The following MSTO1 variants were observed in gnomAD, a reference collection of about 807,000 sequenced individuals.
MSTO1 encodes the protein protein misato homolog 1.
MSTO1 carries 24 observed loss-of-function variants against 55.7 expected under a neutral mutation model. That is an observed-to-expected ratio of 0.43 (90% CI 0.31 to 0.61). The LOEUF is 0.61. Ranked by LOEUF, MSTO1 falls within the 20% of genes least tolerant of loss-of-function variation. MSTO1 has a pLI of 0.09. For synonymous variants in MSTO1, 162 were observed against 252.8 expected (o/e 0.64, Z 3.41); for missense variants, 363 against 625.7 (o/e 0.58, Z 4.48).
the MSTO1 span, among the ~76,000 whole-genome samples, chr1:155,600,508 A>C: frequency 6.6e-6 from 1 of 152,028 alleles, no homozygotes; most frequent in Non-Finnish European, 1.5e-5. Context: ...TCCCCACAGC[A>C]TATGTCCCTT....
the MSTO1 span, among the ~76,000 whole-genome samples, chr1:155,570,472 C>G: frequency 6.6e-6 from 1 of 152,182 alleles, no homozygotes; most frequent in Non-Finnish European, 1.5e-5. Context: ...GATTCAGGAT[C>G]ACCCTAAGAT....
At chr1:155,597,285 A>G in the MSTO1 span, among the ~76,000 whole-genome samples, 2 of 151,918 alleles carry the variant, frequency 1.3e-5, no homozygotes, top group Non-Finnish European at 2.9e-5. Flanking sequence ...CCTGGTCAAC[A>G]TGGTAAAACC....
At chr1:155,563,258 C>T in the MSTO1 span, 4 of 456,484 alleles carry the variant, frequency 8.8e-6, no homozygotes, top group South Asian at 1.5e-5. Flanking sequence ...AGTAGCAGGA[C>T]CGCTGCTGTG....
the MSTO1 span, among the ~76,000 whole-genome samples, chr1:155,575,310 G>A: frequency 6.6e-6 from 1 of 152,090 alleles, no homozygotes; most frequent in African/African-American, 2.4e-5. Context: ...CCTAGTGGGT[G>A]TGAAGTGGTA....
the MSTO1 span, among the ~76,000 whole-genome samples, chr1:155,587,865 C>CTAGTTGAAT: frequency 6.6e-6 from 1 of 151,512 alleles, no homozygotes; most frequent in Non-Finnish European, 1.5e-5. Context: ...CTTTATTTCT[C>CTAGTTGAAT]TAGTTGAATT....
chr1:155,568,079 A>ATTTTTT, the MSTO1 span, among the ~76,000 whole-genome samples: 7 of 150,266 alleles, frequency 4.7e-5, no homozygotes, highest in African/African-American at 1.7e-4. Context: ...ATTTTATTTT[A>ATTTTTT]TTTTATTTTA....
the MSTO1 span, chr1:155,563,263 G>C: frequency 2.2e-6 from 1 of 456,514 alleles, no homozygotes; most frequent in South Asian, 1.5e-5. Context: ...CAGGACCGCT[G>C]CTGTGGAGCT....
At chr1:155,600,908 T>C in the MSTO1 span, among the ~76,000 whole-genome samples, 34 of 151,442 alleles carry the variant, frequency 2.2e-4, no homozygotes, top group East Asian at 5.9e-4. Context: ...GATCTCCTGA[T>C]CTCGTGATGC....
chr1:155,583,420 C>T, the MSTO1 span, among the ~76,000 whole-genome samples: 14 of 151,852 alleles, frequency 9.2e-5, no homozygotes, highest in African/African-American at 3.4e-4. Flanking sequence ...TGCCTGTAGT[C>T]CCAGCTGCTC....
At chr1:155,574,863 A>T in the MSTO1 span, among the ~76,000 whole-genome samples, 5 of 146,996 alleles carry the variant, frequency 3.4e-5, no homozygotes, top group African/African-American at 1.3e-4. Flanking sequence ...TAATTTTAGA[A>T]CTTTTTCTTT....
the MSTO1 span, among the ~76,000 whole-genome samples, chr1:155,597,584 A>G: frequency 8.0e-5 from 12 of 150,270 alleles, no homozygotes; most frequent in Non-Finnish European, 1.8e-4. Context: ...ATTTCGGCTC[A>G]CTGCAACCTC....
chr1:155,600,368 G>A, the MSTO1 span, among the ~76,000 whole-genome samples: 4 of 152,200 alleles, frequency 2.6e-5, no homozygotes, highest in Non-Finnish European at 5.9e-5. Flanking sequence ...AGAGCACAGG[G>A]TTGGGGGTAA....
chr1:155,572,378 T>C, the MSTO1 span, among the ~76,000 whole-genome samples: 1 of 152,108 alleles, frequency 6.6e-6, no homozygotes, highest in Non-Finnish European at 1.5e-5. Flanking sequence ...CTGGGTTTAG[T>C]ACAAAAGAAA....
the MSTO1 span, among the ~76,000 whole-genome samples, chr1:155,585,332 G>C: frequency 4.6e-5 from 7 of 152,134 alleles, no homozygotes; most frequent in African/African-American, 1.7e-4. Flanking sequence ...TACCATCCTT[G>C]CTAACACGGT....
In MSTO1 at chr1:155,614,558, C is replaced by A; in HGVS notation, c.*285C>A. 1 of 619,042 alleles carries A rather than the reference C, an allele frequency of 1.6e-6. No homozygotes were observed. Among genetic ancestry groups the A allele is most frequent in the South Asian group, 2.0e-5 (1 of 50,874 alleles). 38.3% of individuals were successfully genotyped at this position (619,042 alleles called of 1,614,324 possible). Reference sequence around the variant, plus strand: ...GAATGATGCCTAGGATGGCAGAGCCCCTGGGTCCTACTCCATCCTCCAGCC... The same window carrying A: ...GAATGATGCCTAGGATGGCAGAGCCACTGGGTCCTACTCCATCCTCCAGCC... On this transcript the variant is annotated 3_prime_UTR_variant, in exon 14 of 14. Transcript: ENST00000245564.
chr1:155,606,197 C>CATTT (rs1558242399), upstream of MSTO1, among the ~76,000 whole-genome samples: 2 of 53,292 alleles, frequency 3.8e-5, no homozygotes, highest in African/African-American at 1.4e-4. Context: ...CCATGCCCAG[C>CATTT]CTTTTTTTTT....
chr1:155,580,848 G>T, the MSTO1 span, among the ~76,000 whole-genome samples: 4 of 146,220 alleles, frequency 2.7e-5, no homozygotes, highest in African/African-American at 5.1e-5. Context: ...GGCAGAGGTT[G>T]CAGTGAGCCA....
the MSTO1 span, among the ~76,000 whole-genome samples, chr1:155,595,884 G>T: frequency 1.3e-5 from 2 of 152,114 alleles, no homozygotes; most frequent in African/African-American, 4.8e-5. Flanking sequence ...GAGAAGAGCA[G>T]CATTTAAAGT....
At chr1:155,572,442 C>A in the MSTO1 span, among the ~76,000 whole-genome samples, 3 of 151,616 alleles carry the variant, frequency 2.0e-5, no homozygotes, top group Non-Finnish European at 4.4e-5. Context: ...TGGCCGGGTG[C>A]GGTGGCTCAC....
Sources: gnomAD v4.1 joint callset for allele counts (sites outside exome capture counted in the v4.1 genomes callset) on GRCh38, gnomAD v4.1.1 for gene constraint, MANE v1.5 for transcripts, NCBI Gene and HGNC (gene_info 2026-07-23, HGNC 2026-07-21) for gene names.